The following ASCC3 variants were observed in gnomAD, a reference collection of about 807,000 sequenced individuals.
ASCC3 encodes activating signal cointegrator 1 complex subunit 3.
ASCC3 carries 158 observed loss-of-function variants against 256.3 expected under a neutral mutation model. The ratio of observed to expected loss-of-function variants is 0.62; its 90% confidence interval spans 0.54 to 0.70. The LOEUF (loss-of-function observed/expected upper bound fraction) is 0.70, where lower values mean the gene tolerates loss of function less well. ASCC3 is among the 30% of genes least tolerant of loss of function. ASCC3 has a pLI of 0.00. For missense variants in ASCC3, 2,259 were observed against 2,626.0 expected (o/e 0.86, Z 3.05); for synonymous variants, 948 against 883.4 (o/e 1.07, Z -1.30).
At chr6:100,673,172 C>T (rs1032594142) in intron 14 of ASCC3, among the ~76,000 whole-genome samples, 1 of 151,840 alleles carries the variant, frequency 6.6e-6, no homozygotes, top group South Asian at 2.1e-4. Context: ...AGTTGGCATT[C>T]CAGAGAGAGG....
chr6:100,533,633 C>T (rs938691478), intron 37 of ASCC3, among the ~76,000 whole-genome samples: 3 of 152,162 alleles, frequency 2.0e-5, no homozygotes, highest in African/African-American at 4.8e-5. Flanking sequence ...TCTCAGATCA[C>T]TGAGTTCAGG....
chr6:100,746,428 T>C (rs1025591528), intron 10 of ASCC3, among the ~76,000 whole-genome samples: 4 of 152,248 alleles, frequency 2.6e-5, no homozygotes, highest in East Asian at 3.9e-4. Flanking sequence ...AAATGAAAAG[T>C]GTTTAAAAAA....
rs1398873984 is a variant in ASCC3, at chr6:100,508,800, G to C, written c.*586C>G. ...CTACATTTTCTAAGATCAGTATATT[G>C]TTTTCTTTGTTATCATCATTAGGCT... On this transcript the variant is annotated 3_prime_UTR_variant, in exon 42 of 42. Coordinates refer to ENST00000369162, the MANE Select transcript of ASCC3 (RefSeq NM_006828.4). 6.5e-6 allele frequency: 1 copy of C among 152,864 alleles called. No individual in the cohort carries two copies. The highest frequency in any genetic ancestry group is 2.4e-5 in the African/African-American group (1 of 41,396). The allele number at this position is 152,864 out of a possible 1,614,324, so 9.5% of individuals were successfully genotyped here. A position where few individuals can be genotyped will look rare whatever the true frequency, so the allele number is the denominator to read the frequency against.
At chr6:100,559,303 TACTC>T (rs369637680) in intron 36 of ASCC3, among the ~76,000 whole-genome samples, 38 of 152,248 alleles carry the variant, frequency 2.5e-4, no homozygotes, top group Middle Eastern at 3.4e-3. Context: ...TTAACAAACT[TACTC>T]ACTTGACTTG....
intron 30 of ASCC3, among the ~76,000 whole-genome samples, chr6:100,616,671 T>C (rs1178858759): frequency 6.6e-6 from 1 of 152,224 alleles, no homozygotes; most frequent in Non-Finnish European, 1.5e-5. Context: ...CTTTGGATGA[T>C]GTTGTAGACT....
At chr6:100,835,764 A>G (rs893473099) in intron 4 of ASCC3, among the ~76,000 whole-genome samples, 3 of 151,974 alleles carry the variant, frequency 2.0e-5, no homozygotes, top group Admixed American at 6.6e-5. Context: ...AAATTTTAGG[A>G]TTGTTTTTTC....
At chr6:100,614,447 T>G (rs1773558180) in intron 30 of ASCC3, among the ~76,000 whole-genome samples, 1 of 152,212 alleles carries the variant, frequency 6.6e-6, no homozygotes. Context: ...AACATTTAAC[T>G]ATGTTTCGGT....
chr6:100,814,294 T>C (rs1359451141), intron 4 of ASCC3, among the ~76,000 whole-genome samples: 1 of 152,206 alleles, frequency 6.6e-6, no homozygotes, highest in African/African-American at 2.4e-5. Flanking sequence ...TAAAGCCTAC[T>C]TGGTTATGAT....
At chr6:100,723,753 G>A (rs1779454904) in intron 11 of ASCC3, among the ~76,000 whole-genome samples, 1 of 149,972 alleles carries the variant, frequency 6.7e-6, no homozygotes, top group African/African-American at 2.4e-5. Flanking sequence ...TAGGTATATA[G>A]GGAAGATGAC....
chr6:100,810,500 G>GT (rs1562313191), intron 4 of ASCC3, among the ~76,000 whole-genome samples: 1 of 152,046 alleles, frequency 6.6e-6, no homozygotes, highest in Admixed American at 6.6e-5. Context: ...TGTTGTATTC[G>GT]TAACAGTATT....
At chr6:100,771,923 A>AG (rs1781955965) in intron 8 of ASCC3, among the ~76,000 whole-genome samples, 2 of 118,040 alleles carry the variant, frequency 1.7e-5, no homozygotes, top group South Asian at 5.8e-4. Context: ...TCTGTCCCCC[A>AG]GGCTGAGTTG....
At chr6:100,669,340 C>G (rs938658422) in intron 14 of ASCC3, among the ~76,000 whole-genome samples, 3 of 149,842 alleles carry the variant, frequency 2.0e-5, no homozygotes, top group African/African-American at 7.3e-5. Flanking sequence ...TATATATACA[C>G]AGACAATAAC....
At chr6:100,797,406 C>T (rs1245672589) in intron 8 of ASCC3, among the ~76,000 whole-genome samples, 4 of 142,456 alleles carry the variant, frequency 2.8e-5, no homozygotes, top group South Asian at 2.2e-4. Flanking sequence ...TGCGGTGAGC[C>T]GAGAGTTCAC....
intron 17 of ASCC3, among the ~76,000 whole-genome samples, chr6:100,654,749 G>A (rs1268702362): frequency 1.3e-5 from 2 of 151,864 alleles, no homozygotes; most frequent in East Asian, 1.9e-4. Flanking sequence ...ACCTAATAAC[G>A]GCTTTAGATT....
chr6:100,757,524 T>C (rs1344662037), intron 10 of ASCC3, among the ~76,000 whole-genome samples: 3 of 150,892 alleles, frequency 2.0e-5, no homozygotes, highest in Non-Finnish European at 4.4e-5. Context: ...AAGAACTTCA[T>C]ACACTTGGGA....
At chr6:100,821,816 T>C (rs1771058269) in intron 4 of ASCC3, among the ~76,000 whole-genome samples, 1 of 151,378 alleles carries the variant, frequency 6.6e-6, no homozygotes, top group Non-Finnish European at 1.5e-5. Context: ...AGAGCGAGAC[T>C]CCGACTCACC....
chr6:100,599,870 CAG>C (rs1475022580), intron 34 of ASCC3, among the ~76,000 whole-genome samples: 1 of 152,014 alleles, frequency 6.6e-6, no homozygotes, highest in South Asian at 2.1e-4. Flanking sequence ...AAGCAACTGA[CAG>C]AGAGTCCAGA....
chr6:100,774,520 C>T (rs2115152186), intron 8 of ASCC3, among the ~76,000 whole-genome samples: 1 of 152,056 alleles, frequency 6.6e-6, no homozygotes, highest in Admixed American at 6.5e-5. Context: ...CGCCCATCAC[C>T]ACGCCTGGCT....
intron 38 of ASCC3, 33 bp downstream of exon 38, chr6:100,517,957 AC>A: frequency 2.5e-6 from 4 of 1,606,820 alleles, no homozygotes; most frequent in Non-Finnish European, 3.4e-6. Context: ...TGAAATCAAA[AC>A]AAAACAATTA....
Sources: gnomAD v4.1 joint callset for allele counts (sites outside exome capture counted in the v4.1 genomes callset) on GRCh38, gnomAD v4.1.1 for gene constraint, MANE v1.5 for transcripts, NCBI Gene and HGNC (gene_info 2026-07-23, HGNC 2026-07-21) for gene names.